EFHD2: variants seen among roughly 807,000 people sequenced by gnomAD.
EFHD2 encodes the protein EF-hand domain-containing protein D2.
In EFHD2, 12 loss-of-function variants were observed where a neutral mutation model predicts 20.3. The ratio of observed to expected loss-of-function variants is 0.59; its 90% CI spans 0.38 to 0.96. The LOEUF (loss-of-function observed/expected upper bound fraction) is 0.96. Ranked by LOEUF, EFHD2 falls within the 40% of genes least tolerant of loss-of-function variation. The pLI is 0.00. For missense variants in EFHD2, 250 were observed against 334.3 expected, an observed-to-expected ratio of 0.75 and a Z score of 1.97; for synonymous variants, 131 against 143.9, an observed-to-expected ratio of 0.91 and a Z score of 0.64.
At chr1:15,427,379 G>A in intron 3 of EFHD2, 95 bp downstream of exon 3, 3 of 1,497,782 alleles carry the variant, frequency 2.0e-6, no homozygotes, top group Non-Finnish European at 2.7e-6. Context: ...TCCCTGCTGA[G>A]GCTGCAGACA....
chr1:15,429,136 C>T lies in EFHD2; in HGVS notation c.*412C>T. ...CCCTGCCCTCCTCCAGCAGGCCGCA[C>T]CGCCCCTGGGGCCCCCTGCCAGCCC... On this transcript the variant is annotated 3_prime_UTR_variant, in exon 4 of 4. Coordinates refer to ENST00000375980, the MANE Select transcript of EFHD2 (RefSeq NM_024329.6). The T allele has an allele frequency of 4.9e-6, 1 of 202,364 alleles. No individual in the cohort carries two copies. Among genetic ancestry groups the T allele is most frequent in the South Asian group, 7.5e-5 (1 of 13,352 alleles). 12.5% of individuals were successfully genotyped at this position (202,364 alleles called of 1,614,324 possible).
chr1:15,413,077 G>A lies in EFHD2; in HGVS notation c.308+2798G>A, dbSNP rs575703961. On this transcript the variant is annotated intron_variant, in intron 1 of 3. Coordinates refer to ENST00000375980, the MANE Select transcript of EFHD2 (RefSeq NM_024329.6). The surrounding 1 kb of genome is among the most constrained non-coding windows in gnomAD (Gnocchi z 4.4). ...GAGCCCAACCCCGCCGCCAACAGAC[G>A]GGCTCTCGTGGAAGACAAACCCCCG... is the stretch of plus-strand genomic sequence containing the variant. Among the ~76,000 whole-genome samples the A allele has an allele frequency of 2.8e-4, 43 of 152,322 alleles. No homozygotes were observed. Among genetic ancestry groups the A allele is most frequent in the South Asian group, 8.3e-4 (4 of 4,832 alleles).
intron 1 of EFHD2, among the ~76,000 whole-genome samples, chr1:15,412,370 G>A (rs988698660): frequency 6.6e-6 from 1 of 152,146 alleles, no homozygotes; most frequent in African/African-American, 2.4e-5. Context: ...CTGTGACACA[G>A]AGCTCTTCGT....
chr1:15,415,490 C>CTT (rs775986699), intron 1 of EFHD2, among the ~76,000 whole-genome samples: 45 of 138,306 alleles, frequency 3.3e-4, no homozygotes, highest in Middle Eastern at 3.6e-3. Flanking sequence ...CTTTGTTTTC[C>CTT]TTTTTTTTTT....
At chr1:15,410,304 C>T in intron 1 of EFHD2, 25 bp downstream of exon 1, 1 of 1,557,892 alleles carries the variant, frequency 6.4e-7, no homozygotes, top group Non-Finnish European at 8.6e-7. Flanking sequence ...GACCCGGCCC[C>T]CCGCCCGCCC....
intron 3 of EFHD2, chr1:15,428,027 T>G (rs1707903015): frequency 2.1e-6 from 1 of 469,656 alleles, no homozygotes; most frequent in Non-Finnish European, 4.4e-6. Flanking sequence ...ATTTCAATCC[T>G]CTCAACAACT....
intron 1 of EFHD2, among the ~76,000 whole-genome samples, chr1:15,417,743 A>G (rs2103273244): frequency 6.6e-6 from 1 of 152,262 alleles, no homozygotes; most frequent in East Asian, 1.9e-4. Flanking sequence ...GGGGGGCCTG[A>G]GGGCTCCTGA....
chr1:15,427,988 T>C (rs2473356), intron 3 of EFHD2: 402,959 of 470,952 alleles, frequency 0.86, 173,488 homozygotes, highest in East Asian at 1. Flanking sequence ...CGCCCTTGCT[T>C]TGCAGCAGCC....
At chr1:15,411,556 T>C (rs36077334) in intron 1 of EFHD2, among the ~76,000 whole-genome samples, 18,130 of 152,182 alleles carry the variant, frequency 0.12, 1,135 homozygotes, top group South Asian at 0.19. Context: ...CTTTGGTAGC[T>C]TTCCCCACCT....
chr1:15,428,760 G>T lies in EFHD2; in HGVS notation c.*36G>T. On this transcript the variant is annotated 3_prime_UTR_variant, in exon 4 of 4. Coordinates refer to ENST00000375980, the MANE Select transcript of EFHD2 (RefSeq NM_024329.6). ...AGCCGACCGCCCTGCTCCGGCCCCA[G>T]TGTGGTGGGCGAGGGTGGCGCATGG... is the stretch of plus-strand genomic sequence containing the variant. 6.4e-7 allele frequency: 1 copy of T among 1,556,038 alleles called. No individual in the cohort carries two copies. The highest frequency in any genetic ancestry group is 8.7e-7 in the Non-Finnish European group (1 of 1,150,606).
chr1:15,416,026 G>T (rs1416558501), intron 1 of EFHD2, among the ~76,000 whole-genome samples: 1 of 152,002 alleles, frequency 6.6e-6, no homozygotes, highest in Non-Finnish European at 1.5e-5. Context: ...TCAGTGGGTG[G>T]GGAGAATGCC....
chr1:15,427,422 C>G (rs1707891107), intron 3 of EFHD2, 138 bp downstream of exon 3: 1 of 1,424,970 alleles, frequency 7.0e-7, no homozygotes, highest in African/African-American at 1.4e-5. Flanking sequence ...CAGGCTGGGC[C>G]AGGCCCACAC....
chr1:15,427,100 C>G (rs776299818), intron 2 of EFHD2, 50 bp from the exon 3 acceptor site: 3 of 1,593,880 alleles, frequency 1.9e-6, no homozygotes, highest in Non-Finnish European at 2.6e-6. Context: ...GACTCCGGCT[C>G]CCCTCCTTCC....
intron 1 of EFHD2, among the ~76,000 whole-genome samples, chr1:15,412,414 C>T (rs1217547877): frequency 2.6e-5 from 4 of 152,178 alleles, no homozygotes; most frequent in Non-Finnish European, 4.4e-5. Flanking sequence ...TTAAATAACT[C>T]GCCAAGACCA....
At chr1:15,417,969 T>G (rs1364486227) in intron 1 of EFHD2, among the ~76,000 whole-genome samples, 4 of 143,750 alleles carry the variant, frequency 2.8e-5, no homozygotes, top group African/African-American at 5.5e-5. Flanking sequence ...AGGAGCAACT[T>G]TCTTTCTTTT....
intron 1 of EFHD2, among the ~76,000 whole-genome samples, chr1:15,414,934 C>T (rs1215141668): frequency 6.6e-6 from 1 of 152,184 alleles, no homozygotes; most frequent in Non-Finnish European, 1.5e-5. Context: ...AGCTGGGTTG[C>T]TCCAGGCAAG....
intron 3 of EFHD2, 122 bp from the exon 4 acceptor site, chr1:15,428,471 T>G: frequency 7.7e-7 from 1 of 1,299,442 alleles, no homozygotes; most frequent in Non-Finnish European, 1.0e-6. Flanking sequence ...CACTCCAGCC[T>G]GGGCGACAGA....
intron 1 of EFHD2, among the ~76,000 whole-genome samples, chr1:15,419,756 G>C (rs934382105): frequency 6.6e-6 from 1 of 152,214 alleles, no homozygotes; most frequent in African/African-American, 2.4e-5. Context: ...TGGTGGGTGA[G>C]AGGCCCTCTA....
At chr1:15,416,402 C>T (rs1333761868) in intron 1 of EFHD2, among the ~76,000 whole-genome samples, 3 of 152,228 alleles carry the variant, frequency 2.0e-5, no homozygotes, top group Admixed American at 6.5e-5. Flanking sequence ...CTGAGTTCCC[C>T]TGACTGCCGG....
Sources: gnomAD v4.1 joint callset for allele counts (sites outside exome capture counted in the v4.1 genomes callset) on GRCh38, gnomAD v4.1.1 for gene constraint, Gnocchi (gnomAD v3.1) non-coding constraint, MANE v1.5 for transcripts, NCBI Gene and HGNC (gene_info 2026-07-23, HGNC 2026-07-21) for gene names.